NF1: variants seen among roughly 807,000 people sequenced by gnomAD.
The protein encoded by NF1 is neurofibromin.
Under a neutral mutation model 325.7 loss-of-function variants are expected in NF1, and 122 were observed. The ratio of observed to expected loss-of-function variants is 0.37; its 90% CI spans 0.32 to 0.44. NF1 has a LOEUF of 0.44. Ranked by LOEUF, NF1 falls within the 20% of genes least tolerant of loss-of-function variation. The pLI, the probability that NF1 is intolerant of heterozygous loss-of-function variation, is 1.00. For synonymous variants in NF1, 1,091 were observed against 1,186.0 expected (o/e 0.92, Z 1.65); for missense variants, 2,140 against 3,415.4 (o/e 0.63, Z 9.31).
chr17:31,218,657 C>T (rs558308583), intron 13 of NF1, among the ~76,000 whole-genome samples: 4 of 152,090 alleles, frequency 2.6e-5, no homozygotes, highest in South Asian at 2.1e-4. Flanking sequence ...CTGCAACCAC[C>T]GCCTCCCAGC....
chr17:31,338,102 A>G lies in NF1; in HGVS notation c.6782A>G (p.His2261Arg), dbSNP rs201336602. Reference sequence around the variant, plus strand: ...GGGTGTATTAGCAAACGAGTGTCTCATGGGCAGATAAAGCAGATAATCCGT... The same window carrying G: ...GGGTGTATTAGCAAACGAGTGTCTCGTGGGCAGATAAAGCAGATAATCCGT... ...VFGCISKRVSHGQIKQIIRIL... is the reference protein window; with the variant it reads ...VFGCISKRVSRGQIKQIIRIL... The change falls in exon 45 of 58, where the codon CAT (histidine) becomes CGT (arginine). Residue 2261 changes from histidine (H) to arginine (R), a missense_variant. Around this residue, in one of 10 missense-constraint regions of NF1, gnomAD observed 522 missense variants for 749.0 expected, o/e 0.70. Transcript: ENST00000358273. The G allele has an allele frequency of 1.2e-6, 2 of 1,613,876 alleles. No homozygotes were observed. The highest frequency in any genetic ancestry group is 1.7e-6 in the Non-Finnish European group (2 of 1,179,778).
At chr17:31,171,470 G>A (rs974293289) in intron 5 of NF1, among the ~76,000 whole-genome samples, 2 of 152,126 alleles carry the variant, frequency 1.3e-5, no homozygotes, top group African/African-American at 4.8e-5. Context: ...TTGGAAACAA[G>A]TCTAGTCCAG....
intron 57 of NF1, among the ~76,000 whole-genome samples, chr17:31,366,292 T>G (rs1369994541): frequency 6.6e-6 from 1 of 152,222 alleles, no homozygotes; most frequent in East Asian, 1.9e-4. Context: ...TCAGCTCATT[T>G]TACTGTTAGT....
At chr17:31,284,842 C>T (rs958250400) in intron 36 of NF1, among the ~76,000 whole-genome samples, 53 of 151,720 alleles carry the variant, frequency 3.5e-4, no homozygotes, top group African/African-American at 5.8e-4. Flanking sequence ...ATGTGGAGGC[C>T]GGGCGTGGTG....
At chr17:31,331,904 TAAAAAAAA>T (rs755592420) in intron 39 of NF1, 109 of 42,872 alleles carry the variant, frequency 2.5e-3, no homozygotes, top group African/African-American at 9.7e-3. Context: ...CCTTCTCTAT[TAAAAAAAA>T]AAAAAAAAAA....
intron 4 of NF1, among the ~76,000 whole-genome samples, chr17:31,166,583 T>G (rs2143690762): frequency 6.6e-6 from 1 of 152,338 alleles, no homozygotes; most frequent in Non-Finnish European, 1.5e-5. Context: ...ATTTGAACCC[T>G]AAACTCTTAG....
chr17:31,252,067 C>G (rs947636620), intron 30 of NF1: 2 of 215,140 alleles, frequency 9.3e-6, no homozygotes, highest in African/African-American at 4.6e-5. Context: ...CTAGAAAGAG[C>G]TCTGAGAGAT....
intron 1 of NF1, among the ~76,000 whole-genome samples, chr17:31,123,603 A>G (rs1914620762): frequency 6.6e-6 from 1 of 152,196 alleles, no homozygotes; most frequent in African/African-American, 2.4e-5. Context: ...TTTAAAGAAT[A>G]ATGTTAGGAA....
At position 31,337,854 on chromosome 17, in the gene NF1, G is replaced by A. The variant is rs959023829; in HGVS notation, c.6678G>A (p.Leu2226=). The A allele has an allele frequency of 1.9e-6, 3 of 1,613,738 alleles. No homozygotes were observed. The African/African-American group carries it at 4.0e-5, about 22-fold the overall frequency. ...CMRDIPTCKW[L]DQWTELAQRF... ...GAGATATTCCAACGTGCAAGTGGCT[G>A]GACCAGTGGACAGAACTAGCTCAAA... Residue 2226 remains leucine (L), a synonymous_variant, in exon 44 of 58, where the codon CTG becomes CTA. Coordinates refer to ENST00000358273, the MANE Select transcript of NF1 (RefSeq NM_001042492.3).
chr17:31,340,046 C>T (rs902026150), intron 46 of NF1, among the ~76,000 whole-genome samples: 79 of 152,110 alleles, frequency 5.2e-4, no homozygotes, highest in Admixed American at 6.5e-5. Flanking sequence ...TGGAAATGTA[C>T]AGTTTTTAAG....
At chr17:31,277,463 T>C (rs958520166) in intron 36 of NF1, among the ~76,000 whole-genome samples, 1 of 152,172 alleles carries the variant, frequency 6.6e-6, no homozygotes, top group Non-Finnish European at 1.5e-5. Context: ...TTTGGGATTA[T>C]TTGTGACAGA....
rs367818974 is a variant in NF1 at position 31,327,464 on chromosome 17, C to G, written c.5269-35C>G. 1.6e-5 allele frequency: 25 copies of G among 1,525,490 alleles called. No homozygotes were observed. Among genetic ancestry groups the G allele is most frequent in the Non-Finnish European group, 2.1e-5 (23 of 1,107,292 alleles). 94.5% of individuals were successfully genotyped at this position (1,525,490 alleles called of 1,614,324 possible). ...GAATTTTATGTAAAAGAGTTTAATT[C>G]TTCTCCACTTCACCCCGTCACCACC... On this transcript the variant is annotated intron_variant, in intron 37 of 57. Transcript: ENST00000358273.
chr17:31,326,901 G>A (rs115050336), intron 37 of NF1, among the ~76,000 whole-genome samples: 74 of 152,146 alleles, frequency 4.9e-4, no homozygotes, highest in African/African-American at 1.7e-3. Flanking sequence ...GATAAAATCA[G>A]TACTTTTCTA....
chr17:31,180,415 C>T (rs2066106902), intron 5 of NF1, among the ~76,000 whole-genome samples: 1 of 152,164 alleles, frequency 6.6e-6, no homozygotes, highest in Non-Finnish European at 1.5e-5. Context: ...TTGGCTTCAT[C>T]CCTGGGATGC....
intron 1 of NF1, among the ~76,000 whole-genome samples, chr17:31,116,550 C>T (rs767315313): frequency 6.6e-6 from 1 of 152,106 alleles, no homozygotes; most frequent in South Asian, 2.1e-4. Context: ...AATTTTAAGT[C>T]TTCCCTTTCA....
At position 31,173,452 on chromosome 17, in the gene NF1, C is replaced by T. The variant is rs190096716; in HGVS notation, c.586+3455C>T. On this transcript the variant is annotated intron_variant, in intron 5 of 57. Coordinates refer to ENST00000358273, the MANE Select transcript of NF1 (RefSeq NM_001042492.3). Reference sequence around the variant, plus strand: ...TAAAATAAAAATACAAAAAATTAGCCGGGTGTGGTGGCACGTGCCCATAAT... The same window carrying T: ...TAAAATAAAAATACAAAAAATTAGCTGGGTGTGGTGGCACGTGCCCATAAT... Among the ~76,000 whole-genome samples, 538 of 151,752 alleles carry T rather than the reference C, an allele frequency of 3.5e-3. 4 individuals carry two copies. The highest frequency in any genetic ancestry group is 0.012 in the African/African-American group (498 of 41,384).
chr17:31,333,982 GTTGAATAAA>G (rs1468535165), intron 39 of NF1, among the ~76,000 whole-genome samples: 1 of 152,158 alleles, frequency 6.6e-6, no homozygotes, highest in African/African-American at 2.4e-5. Context: ...AATTTGTAAT[GTTGAATAAA>G]TAATCTCAGT....
chr17:31,329,825 C>G (rs1441533321), intron 38 of NF1, among the ~76,000 whole-genome samples: 1 of 152,146 alleles, frequency 6.6e-6, no homozygotes, highest in African/African-American at 2.4e-5. Context: ...TTTTCACATT[C>G]TAATTTGATG....
In NF1 at chr17:31,318,357, C is replaced by T. The variant is rs567583982; in HGVS notation, c.4836-7463C>T. 5 of 1,612,770 alleles carry T rather than the reference C, an allele frequency of 3.1e-6. No individual in the cohort carries two copies. The African/African-American group carries it at 4.0e-5, about 13-fold the overall frequency. ...CAGTTCCTTCTTCATCTTTTCTTTCCCTTGTAGCTGTGAGCACTCCAGTAG... is the reference window on the plus strand; with the variant it reads ...CAGTTCCTTCTTCATCTTTTCTTTCTCTTGTAGCTGTGAGCACTCCAGTAG... On this transcript the variant is annotated intron_variant, in intron 36 of 57. Transcript: ENST00000358273.
Sources: allele counts gnomAD v4.1 joint callset (sites outside exome capture counted in the v4.1 genomes callset), GRCh38; gene constraint gnomAD v4.1.1; regional missense constraint gnomAD v4.1.1; transcripts MANE v1.5; gene names NCBI Gene and HGNC (gene_info 2026-07-23, HGNC 2026-07-21).